The following ATRNL1 variants were observed in gnomAD, a reference collection of about 807,000 sequenced individuals.
ATRNL1 encodes the protein attractin like 1.
ATRNL1 carries 95 observed loss-of-function variants against 182.7 expected under a neutral mutation model. The ratio of observed to expected loss-of-function variants is 0.52; its 90% CI spans 0.44 to 0.62. ATRNL1 has a LOEUF of 0.62. ATRNL1 is among the 20% of genes least tolerant of loss of function. The pLI is 0.00. For synonymous variants in ATRNL1, 576 were observed against 568.3 expected, an observed-to-expected ratio of 1.01 and a Z score of -0.19; for missense variants, 1,471 against 1,679.5, an observed-to-expected ratio of 0.88 and a Z score of 2.17.
intron 26 of ATRNL1, among the ~76,000 whole-genome samples, chr10:115,614,047 A>G (rs1555019933): frequency 2.0e-5 from 3 of 150,820 alleles, no homozygotes; most frequent in African/African-American, 7.3e-5. Context: ...GATCTTTGTT[A>G]TTTATTTTTT....
chr10:115,248,447 T>G lies in ATRNL1; in HGVS notation c.1687+6722T>G, dbSNP rs1850736898. 2.0e-5 allele frequency among the ~76,000 whole-genome samples: 3 copies of G among 152,154 alleles called. No individual in the cohort carries two copies. In the South Asian group the frequency reaches 6.2e-4, roughly 32 times the overall value. On this transcript the variant is annotated intron_variant, in intron 10 of 28. Transcript: ENST00000355044. ...AGGCTCCAACCATATTTCAAAAGTT[T>G]AATAAACTATGATCAAGTAGGATTC...
chr10:115,198,126 C>T (rs1448891916), intron 8 of ATRNL1, among the ~76,000 whole-genome samples: 1 of 152,148 alleles, frequency 6.6e-6, no homozygotes, highest in Non-Finnish European at 1.5e-5. Context: ...CTTCTTCCCA[C>T]CAACAGGGTA....
chr10:115,286,456 GA>G (rs1230580218), intron 15 of ATRNL1, 59 bp downstream of exon 15: 8 of 1,198,154 alleles, frequency 6.7e-6, no homozygotes, highest in African/African-American at 1.6e-5. Context: ...ATAATTATTT[GA>G]AATTTTTTTT....
chr10:115,376,726 T>C (rs186038727), intron 19 of ATRNL1, among the ~76,000 whole-genome samples: 1 of 152,166 alleles, frequency 6.6e-6, no homozygotes, highest in Non-Finnish European at 1.5e-5. Flanking sequence ...ACTTGAGATT[T>C]TTTTAAGTTT....
chr10:115,863,391 C>A (rs1230775539), intron 28 of ATRNL1, among the ~76,000 whole-genome samples: 2 of 152,128 alleles, frequency 1.3e-5, no homozygotes, highest in African/African-American at 4.8e-5. Context: ...TATGAATGTA[C>A]TATAGTTGTA....
chr10:115,468,891 A>G (rs1202389394), intron 23 of ATRNL1, among the ~76,000 whole-genome samples: 1 of 150,614 alleles, frequency 6.6e-6, no homozygotes, highest in East Asian at 1.9e-4. Context: ...TGGAGGTGAT[A>G]ATACTTCTGG....
chr10:115,813,552 T>C (rs1950096525), intron 27 of ATRNL1, among the ~76,000 whole-genome samples: 1 of 152,230 alleles, frequency 6.6e-6, no homozygotes, highest in Non-Finnish European at 1.5e-5. Flanking sequence ...GTAAGATAGC[T>C]GCTGGTTGTA....
At chr10:115,612,822 A>G (rs111399153) in intron 26 of ATRNL1, among the ~76,000 whole-genome samples, 76 of 151,748 alleles carry the variant, frequency 5.0e-4, no homozygotes, top group African/African-American at 1.8e-3. Context: ...TTTTGACACA[A>G]ATGACTCCAT....
intron 21 of ATRNL1, among the ~76,000 whole-genome samples, chr10:115,433,114 T>C (rs1024245241): frequency 6.6e-6 from 1 of 152,104 alleles, no homozygotes; most frequent in Non-Finnish European, 1.5e-5. Context: ...TGTTTTATGT[T>C]GAATTTCTTT....
chr10:115,696,506 T>C (rs1458949930), intron 26 of ATRNL1, among the ~76,000 whole-genome samples: 1 of 152,158 alleles, frequency 6.6e-6, no homozygotes, highest in Non-Finnish European at 1.5e-5. Context: ...GGACAATTTA[T>C]GTTCCTTTGG....
intron 21 of ATRNL1, among the ~76,000 whole-genome samples, chr10:115,455,469 T>G (rs1554968519): frequency 6.6e-6 from 1 of 152,156 alleles, no homozygotes; most frequent in African/African-American, 2.4e-5. Context: ...TCCTTACACC[T>G]TATGCAAAAA....
At chr10:115,336,985 G>C (rs898115593) in intron 19 of ATRNL1, among the ~76,000 whole-genome samples, 56 of 146,962 alleles carry the variant, frequency 3.8e-4, no homozygotes, top group Admixed American at 2.6e-3. Context: ...AGCTGGGGGG[G>C]GGGGACTACA....
At chr10:115,464,325 T>A (rs1565072007) in intron 22 of ATRNL1, among the ~76,000 whole-genome samples, 5 of 139,142 alleles carry the variant, frequency 3.6e-5, no homozygotes, top group African/African-American at 1.3e-4. Context: ...ATTTATACAT[T>A]TCCTACATTT....
intron 19 of ATRNL1, among the ~76,000 whole-genome samples, chr10:115,340,175 G>A (rs140744355): frequency 3.2e-4 from 49 of 152,124 alleles, no homozygotes; most frequent in Admixed American, 2.6e-3. Flanking sequence ...ATGGAGTCTC[G>A]CTCTGTCACC....
chr10:115,738,700 A>G (rs1948053660), intron 27 of ATRNL1, among the ~76,000 whole-genome samples: 1 of 152,158 alleles, frequency 6.6e-6, no homozygotes. Context: ...AGCATGAAAT[A>G]AGAATTAAGT....
chr10:115,316,753 C>A (rs1007037593), intron 18 of ATRNL1, among the ~76,000 whole-genome samples: 1 of 151,714 alleles, frequency 6.6e-6, no homozygotes, highest in Non-Finnish European at 1.5e-5. Context: ...CAGTTTTTTA[C>A]GGAGTTGTTC....
intron 26 of ATRNL1, among the ~76,000 whole-genome samples, chr10:115,718,573 A>G (rs1286230120): frequency 6.6e-6 from 1 of 152,170 alleles, no homozygotes; most frequent in African/African-American, 2.4e-5. Context: ...CACAGTTTTT[A>G]AGACTCTCCT....
At chr10:115,462,158 C>T (rs1483701214) in intron 22 of ATRNL1, 123 bp downstream of exon 22, 17 of 532,530 alleles carry the variant, frequency 3.2e-5, no homozygotes, top group Non-Finnish European at 4.6e-5. Context: ...AACTACTAAT[C>T]CTATTAATTT....
chr10:115,195,347 G>A (rs1304345127), intron 8 of ATRNL1, among the ~76,000 whole-genome samples: 2 of 151,966 alleles, frequency 1.3e-5, no homozygotes, highest in African/African-American at 4.8e-5. Context: ...TCTCCTTTAT[G>A]TTTGAAGGAT....
Sources: allele counts gnomAD v4.1 joint callset (sites outside exome capture counted in the v4.1 genomes callset), GRCh38; gene constraint gnomAD v4.1.1; transcripts MANE v1.5; gene names NCBI Gene and HGNC (gene_info 2026-07-23, HGNC 2026-07-21).